The following NOSTRIN variants were observed in gnomAD, a reference collection of about 807,000 sequenced individuals.
NOSTRIN encodes the protein BM247 homolog.
A neutral mutation model predicts 59.0 loss-of-function variants in NOSTRIN; 63 were observed. The observed-to-expected ratio is 1.07, with a 90% CI of 0.87 to 1.32. The LOEUF (loss-of-function observed/expected upper bound fraction) is 1.32, where lower values mean the gene tolerates loss of function less well. Ranked by LOEUF, NOSTRIN falls within the 40% of genes most tolerant of loss-of-function variation. NOSTRIN has a pLI of 0.00. For missense variants in NOSTRIN, 512 were observed against 473.1 expected, an observed-to-expected ratio of 1.08 and a Z score of -0.76; for synonymous variants, 200 against 165.4, an observed-to-expected ratio of 1.21 and a Z score of -1.61.
chr2:168,863,476 G>T (rs1689612862), intron 15 of NOSTRIN: 1 of 985,292 alleles, frequency 1.0e-6, no homozygotes, highest in African/African-American at 1.7e-5. Flanking sequence ...GGGGGCAGAT[G>T]ATCCTGAAGG....
At chr2:168,816,498 C>T (rs1686412595) in intron 2 of NOSTRIN, among the ~76,000 whole-genome samples, 1 of 152,052 alleles carries the variant, frequency 6.6e-6, no homozygotes, top group Non-Finnish European at 1.5e-5. Flanking sequence ...CCTGCATCAC[C>T]ACCACCACCA....
intron 13 of NOSTRIN, among the ~76,000 whole-genome samples, 189 bp from the exon 14 acceptor site, chr2:168,860,606 G>A (rs1689373680): frequency 6.6e-6 from 1 of 152,070 alleles, no homozygotes; most frequent in Admixed American, 6.6e-5. Flanking sequence ...GGGAGGTGGA[G>A]GTTGTAGTGG....
intron 7 of NOSTRIN, among the ~76,000 whole-genome samples, chr2:168,835,937 A>G (rs1687691856): frequency 6.6e-6 from 1 of 152,226 alleles, no homozygotes; most frequent in Non-Finnish European, 1.5e-5. Context: ...TGTGTCCCAG[A>G]TTGAAAACCT....
At chr2:168,841,222 C>T (rs1413409412) in intron 7 of NOSTRIN, among the ~76,000 whole-genome samples, 1 of 121,586 alleles carries the variant, frequency 8.2e-6, no homozygotes, top group African/African-American at 3.3e-5. Context: ...GTGACAGAGC[C>T]AGACCCTGTC....
At chr2:168,856,668 G>A (rs1242430419) in intron 11 of NOSTRIN, 22 bp from the exon 12 acceptor site, 9 of 1,609,034 alleles carry the variant, frequency 5.6e-6, no homozygotes, top group Non-Finnish European at 6.8e-6. Flanking sequence ...AAAGGTGACT[G>A]AGAACATGAT....
At chr2:168,825,532 G>A (rs906674310) in intron 3 of NOSTRIN, among the ~76,000 whole-genome samples, 1 of 152,154 alleles carries the variant, frequency 6.6e-6, no homozygotes, top group African/African-American at 2.4e-5. Flanking sequence ...GTAATAATAT[G>A]TGCTCTATTG....
intron 3 of NOSTRIN, among the ~76,000 whole-genome samples, chr2:168,826,760 C>T (rs565457009): frequency 5.3e-5 from 8 of 152,274 alleles, no homozygotes; most frequent in South Asian, 2.1e-4. Context: ...ATAATAAGCA[C>T]CCATTTTAAG....
chr2:168,808,974 G>C (rs1163026615), intron 1 of NOSTRIN, among the ~76,000 whole-genome samples: 4 of 152,120 alleles, frequency 2.6e-5, no homozygotes. Flanking sequence ...TAGGTAGTGA[G>C]TACATAATGT....
chr2:168,858,817 G>A (rs73969989), intron 12 of NOSTRIN, among the ~76,000 whole-genome samples: 3,002 of 152,248 alleles, frequency 0.02, 99 homozygotes, highest in African/African-American at 0.068. Flanking sequence ...ATGGTGAGGA[G>A]GGGGCTGGAT....
chr2:168,805,946 T>C (rs955674281), intron 1 of NOSTRIN, among the ~76,000 whole-genome samples: 1 of 152,198 alleles, frequency 6.6e-6, no homozygotes, highest in Non-Finnish European at 1.5e-5. Flanking sequence ...TAACATGCCA[T>C]TCCACATTTC....
upstream of NOSTRIN, among the ~76,000 whole-genome samples, chr2:168,796,204 C>T (rs1685473952): frequency 6.6e-6 from 1 of 152,232 alleles, no homozygotes; most frequent in Non-Finnish European, 1.5e-5. Context: ...CGCTGCTGCT[C>T]CTGTCAGCTC....
At chr2:168,810,129 C>A (rs1686058160) in intron 1 of NOSTRIN, among the ~76,000 whole-genome samples, 2 of 152,166 alleles carry the variant, frequency 1.3e-5, no homozygotes, top group South Asian at 4.1e-4. Context: ...CCTCCTCACT[C>A]ATTCAGGTGC....
At position 168,813,909 on chromosome 2, in the gene NOSTRIN, G is replaced by T. The variant is rs543298349; in HGVS notation, c.113+2257G>T. Among the ~76,000 whole-genome samples, 199 of 152,220 alleles carry T rather than the reference G, an allele frequency of 1.3e-3. 2 individuals are homozygous for T. The highest frequency in any genetic ancestry group is 2.4e-3 in the Non-Finnish European group (163 of 68,002). On this transcript the variant is annotated intron_variant, in intron 2 of 15. Transcript: ENST00000317647. ...AATTAAATTATTTCCCCTTAGCCAA[G>T]AAGCCATTTTTAAAGTTGCTTTGTA...
intron 2 of NOSTRIN, among the ~76,000 whole-genome samples, chr2:168,813,382 CA>C (rs1050803106): frequency 6.6e-6 from 1 of 152,156 alleles, no homozygotes; most frequent in Admixed American, 6.6e-5. Context: ...TGCTGCTAAA[CA>C]GACTCAACAG....
chr2:168,803,184 A>G (rs1004593916), intron 1 of NOSTRIN, among the ~76,000 whole-genome samples: 3 of 152,178 alleles, frequency 2.0e-5, no homozygotes, highest in Non-Finnish European at 4.4e-5. Flanking sequence ...AGACTGGTTT[A>G]GCAGCATGTT....
chr2:168,817,320 A>G (rs1686463681), intron 2 of NOSTRIN, among the ~76,000 whole-genome samples: 1 of 152,214 alleles, frequency 6.6e-6, no homozygotes, highest in Non-Finnish European at 1.5e-5. Flanking sequence ...GGAAAGGGAC[A>G]GCAGCAGTCA....
At chr2:168,820,254 G>T (rs1188604247) in intron 2 of NOSTRIN, among the ~76,000 whole-genome samples, 2 of 152,178 alleles carry the variant, frequency 1.3e-5, no homozygotes, top group African/African-American at 4.8e-5. Context: ...TCAGGCTAGT[G>T]ACTGACCCAA....
At chr2:168,850,751 G>A (rs913677960) in intron 8 of NOSTRIN, 6 of 689,974 alleles carry the variant, frequency 8.7e-6, no homozygotes, top group African/African-American at 1.8e-5. Flanking sequence ...CATCTCTACT[G>A]AAATTCTCTG....
At chr2:168,840,559 A>C (rs1688033620) in intron 7 of NOSTRIN, among the ~76,000 whole-genome samples, 2 of 151,758 alleles carry the variant, frequency 1.3e-5, no homozygotes, top group Non-Finnish European at 2.9e-5. Flanking sequence ...AAACAAAAAA[A>C]CAGATATGTC....
Sources: allele counts gnomAD v4.1 joint callset (sites outside exome capture counted in the v4.1 genomes callset), GRCh38; gene constraint gnomAD v4.1.1; transcripts MANE v1.5; gene names NCBI Gene and HGNC (gene_info 2026-07-23, HGNC 2026-07-21).